The following LRIG2 variants were observed in gnomAD, a reference collection of about 807,000 sequenced individuals.
The protein encoded by LRIG2 is leucine rich repeats and immunoglobulin like domains 2.
In LRIG2, 93 loss-of-function variants were observed where a neutral mutation model predicts 107.8. The ratio of observed to expected loss-of-function variants is 0.86; its 90% confidence interval spans 0.73 to 1.03. The LOEUF (loss-of-function observed/expected upper bound fraction) is 1.03. Ranked by LOEUF, LRIG2 falls within the 50% of genes least tolerant of loss-of-function variation. The pLI is 0.00. For synonymous variants in LRIG2, 471 were observed against 470.6 expected (o/e 1.00, Z -0.01); for missense variants, 1,226 against 1,296.0 (o/e 0.95, Z 0.83).
At chr1:113,091,032 A>G (rs1653797553) in intron 1 of LRIG2, among the ~76,000 whole-genome samples, 1 of 151,484 alleles carries the variant, frequency 6.6e-6, no homozygotes, top group South Asian at 2.1e-4. Flanking sequence ...TTGTATTTTT[A>G]GTAGAGATGG....
intron 11 of LRIG2, among the ~76,000 whole-genome samples, chr1:113,100,976 T>G: frequency 6.6e-6 from 1 of 152,314 alleles, no homozygotes; most frequent in East Asian, 1.9e-4. Flanking sequence ...TTTTATACCC[T>G]TTTTCATTGA....
chr1:113,091,199 C>CA (rs1294956842), intron 1 of LRIG2, 119 bp from the exon 2 acceptor site: 2 of 557,484 alleles, frequency 3.6e-6, no homozygotes, highest in African/African-American at 4.0e-5. Flanking sequence ...GCCAGGATTA[C>CA]AGGCATGAGC....
intron 1 of LRIG2, among the ~76,000 whole-genome samples, chr1:113,086,825 G>C (rs1351938564): frequency 6.6e-6 from 1 of 152,180 alleles, no homozygotes; most frequent in African/African-American, 2.4e-5. Context: ...CAGGCCCTCT[G>C]AGAGACCTTT....
At position 113,073,434 on chromosome 1, in the gene LRIG2, G is replaced by C; in HGVS notation, c.28G>C (p.Glu10Gln). Residue 10 changes from glutamate to glutamine, a missense_variant, in exon 1 of 18, where the codon GAG becomes CAG. Around this residue, in one of 3 missense-constraint regions of LRIG2, gnomAD observed 570 missense variants for 550.2 expected, o/e 1.04. Coordinates refer to ENST00000361127, the MANE Select transcript of LRIG2 (RefSeq NM_014813.3). MAPAPLGVP[E>Q]EQLLGCRSRV... Reference sequence around the variant, plus strand: ...GGCGCCGGCGCCCCTAGGCGTCCCGGAGGAGCAGTTGCTGGGGTGTCGATC... The same window carrying C: ...GGCGCCGGCGCCCCTAGGCGTCCCGCAGGAGCAGTTGCTGGGGTGTCGATC... 6.2e-7 allele frequency: 1 copy of C among 1,614,142 alleles called. No homozygotes were observed. Among genetic ancestry groups the C allele is most frequent in the Non-Finnish European group, 8.5e-7 (1 of 1,179,962 alleles).
At chr1:113,113,347 G>T (rs1225556835) in intron 14 of LRIG2, among the ~76,000 whole-genome samples, 1 of 150,026 alleles carries the variant, frequency 6.7e-6, no homozygotes, top group Non-Finnish European at 1.5e-5. Flanking sequence ...TTTTTTTGTT[G>T]TTGTTGTTTG....
At chr1:113,077,110 C>T (rs567478201) in intron 1 of LRIG2, among the ~76,000 whole-genome samples, 1 of 151,792 alleles carries the variant, frequency 6.6e-6, no homozygotes, top group African/African-American at 2.4e-5. Flanking sequence ...GTAACCTTTT[C>T]CTTACTGTTT....
chr1:113,115,163 G>T (rs182848151), intron 15 of LRIG2, among the ~76,000 whole-genome samples: 1 of 152,302 alleles, frequency 6.6e-6, no homozygotes, highest in East Asian at 1.9e-4. Flanking sequence ...CAACTTCTTT[G>T]ATATAACAGA....
chr1:113,079,889 C>T (rs1289523710), intron 1 of LRIG2, among the ~76,000 whole-genome samples: 3 of 151,150 alleles, frequency 2.0e-5, no homozygotes, highest in Admixed American at 6.6e-5. Context: ...ACCACCATGC[C>T]TAGCTAATTT....
rs1431906314 is a variant in LRIG2 at position 113,127,002 on chromosome 1, A to T, written c.*2901A>T. ...AGTTGTCTGGCTGTTATGACACAGTATTGAAATACCAGACTGAGTTTCAGT... is the reference window on the plus strand; with the variant it reads ...AGTTGTCTGGCTGTTATGACACAGTTTTGAAATACCAGACTGAGTTTCAGT... On this transcript the variant is annotated 3_prime_UTR_variant, in exon 18 of 18. Coordinates refer to ENST00000361127, the MANE Select transcript of LRIG2 (RefSeq NM_014813.3). 1 of 152,510 alleles carries T rather than the reference A, an allele frequency of 6.6e-6. No individual in the cohort carries two copies. Among genetic ancestry groups the T allele is most frequent in the Non-Finnish European group, 1.5e-5 (1 of 68,028 alleles). The allele number at this position is 152,510 out of a possible 1,614,324, so 9.4% of individuals were successfully genotyped here.
chr1:113,099,244 C>CTTTTTCTTTT (rs1553228728), intron 9 of LRIG2, among the ~76,000 whole-genome samples: 15 of 117,922 alleles, frequency 1.3e-4, no homozygotes, highest in East Asian at 2.5e-4. Flanking sequence ...TGGTTTTTTT[C>CTTTTTCTTTT]TTTTTTTTTT....
chr1:113,077,099 A>G (rs1303242168), intron 1 of LRIG2, among the ~76,000 whole-genome samples: 1 of 152,158 alleles, frequency 6.6e-6, no homozygotes, highest in African/African-American at 2.4e-5. Flanking sequence ...ATGAAATAAA[A>G]GTAACCTTTT....
At chr1:113,101,908 A>T (rs1327304204) in intron 11 of LRIG2, among the ~76,000 whole-genome samples, 1 of 152,244 alleles carries the variant, frequency 6.6e-6, no homozygotes, top group Non-Finnish European at 1.5e-5. Context: ...TACTCATAGC[A>T]TATTACAGTA....
chr1:113,075,564 C>G (rs1198016651), intron 1 of LRIG2, among the ~76,000 whole-genome samples: 2 of 151,978 alleles, frequency 1.3e-5, no homozygotes, highest in African/African-American at 4.8e-5. Context: ...AGCACAGCCT[C>G]TTTGTTATGC....
chr1:113,081,291 A>G (rs1377016202), intron 1 of LRIG2, among the ~76,000 whole-genome samples: 3 of 152,074 alleles, frequency 2.0e-5, no homozygotes, highest in South Asian at 2.1e-4. Flanking sequence ...CATCCATTAG[A>G]TAGTTACTAA....
At position 113,130,910 on chromosome 1, in the gene LRIG2, G is replaced by T. The variant is rs1655683707; in HGVS notation, c.*6809G>T. On this transcript the variant is annotated 3_prime_UTR_variant, in exon 18 of 18. Coordinates refer to ENST00000361127, the MANE Select transcript of LRIG2 (RefSeq NM_014813.3). ...ACTAACAAATTTAAAAGCCTATAAT[G>T]TATTAAAACTCTTTTTTACTCGATT... The T allele has an allele frequency of 6.6e-6, 1 of 151,946 alleles. No homozygotes were observed. Among genetic ancestry groups the T allele is most frequent in the African/African-American group, 2.4e-5 (1 of 41,354 alleles). The allele number at this position is 151,946 out of a possible 1,614,324, so 9.4% of individuals were successfully genotyped here. A position where few individuals can be genotyped will look rare whatever the true frequency, so the allele number is the denominator to read the frequency against.
chr1:113,079,516 C>G (rs1007312244), intron 1 of LRIG2, among the ~76,000 whole-genome samples: 2 of 150,324 alleles, frequency 1.3e-5, no homozygotes, highest in Non-Finnish European at 3.0e-5. Context: ...AACCCCATCT[C>G]TACTAAAAAT....
Position 113,106,080 on chromosome 1 carries a change from G to T in LRIG2, c.1314-1514G>T, listed in dbSNP as rs187457708. Among the ~76,000 whole-genome samples, 610 of 152,028 alleles carry T rather than the reference G, an allele frequency of 4.0e-3. 3 individuals are homozygous for T. The highest frequency in any genetic ancestry group is 0.017 in the Middle Eastern group (5 of 294). On this transcript the variant is annotated intron_variant, in intron 11 of 17. Coordinates refer to ENST00000361127, the MANE Select transcript of LRIG2 (RefSeq NM_014813.3). ...CCGTCTCTACTAAAAATACAAAAAT[G>T]AGCTGGGCATGGTGGCACGCACCTG... is the stretch of plus-strand genomic sequence containing the variant.
At chr1:113,120,504 G>T (rs1237874190) in intron 17 of LRIG2, among the ~76,000 whole-genome samples, 2 of 137,370 alleles carry the variant, frequency 1.5e-5, no homozygotes, top group Non-Finnish European at 3.2e-5. Context: ...TTACTGAGAA[G>T]ATTTTTTTTT....
rs1652771975 is a variant in LRIG2, at chr1:113,073,264, C to T, written c.-143C>T. 3 of 712,746 alleles carry T rather than the reference C, an allele frequency of 4.2e-6. No homozygotes were observed. Among genetic ancestry groups the T allele is most frequent in the Non-Finnish European group, 7.3e-6 (3 of 411,176 alleles). The allele number at this position is 712,746 out of a possible 1,614,324, so 44.2% of individuals were successfully genotyped here. A position where few individuals can be genotyped will look rare whatever the true frequency, so the allele number is the denominator to read the frequency against. ...ACCCCGCTGTCGCGCTGCGTCTGCT[C>T]CTTGCATGCCTTTAGATGGTACAGC... is the stretch of plus-strand genomic sequence containing the variant. On this transcript the variant is annotated 5_prime_UTR_variant, in exon 1 of 18. Transcript: ENST00000361127.
Sources: gnomAD v4.1 joint callset for allele counts (sites outside exome capture counted in the v4.1 genomes callset) on GRCh38, gnomAD v4.1.1 for gene constraint, gnomAD v4.1.1 regional missense constraint, MANE v1.5 for transcripts, NCBI Gene and HGNC (gene_info 2026-07-23, HGNC 2026-07-21) for gene names.